The following EFCAB7 variants were observed in gnomAD, a reference collection of about 807,000 sequenced individuals.
EFCAB7 encodes the protein EF-hand calcium-binding domain-containing protein 7.
In EFCAB7, 66 loss-of-function variants were observed where a neutral mutation model predicts 77.1. The ratio of observed to expected loss-of-function variants is 0.86; its 90% confidence interval spans 0.70 to 1.05. The LOEUF (loss-of-function observed/expected upper bound fraction) is 1.05, where lower values mean the gene tolerates loss of function less well. Ranked by LOEUF, EFCAB7 falls within the 50% of genes least tolerant of loss-of-function variation. The probability of loss-of-function intolerance (pLI) is 0.00; values close to 1 mark genes in which losing one functional copy is unlikely to be tolerated. For missense variants in EFCAB7, 638 were observed against 730.5 expected (o/e 0.87, Z 1.46); for synonymous variants, 225 against 243.3 (o/e 0.92, Z 0.70).
chr1:63,582,707 A>G, the EFCAB7 span, among the ~76,000 whole-genome samples: 1 of 152,144 alleles, frequency 6.6e-6, no homozygotes, highest in African/African-American at 2.4e-5. Context: ...TTCTGGGTTT[A>G]AGCAATTCTG....
intron 2 of EFCAB7, among the ~76,000 whole-genome samples, chr1:63,531,180 T>C (rs1459100324): frequency 1.3e-5 from 2 of 152,112 alleles, no homozygotes; most frequent in African/African-American, 4.8e-5. Context: ...ACTTAGATAG[T>C]ACTTAAGTTC....
At chr1:63,568,229 T>C in intron 11 of EFCAB7, 81 bp from the exon 12 acceptor site, 1 of 1,235,370 alleles carries the variant, frequency 8.1e-7, no homozygotes, top group Non-Finnish European at 1.1e-6. Flanking sequence ...AGGTATAGCA[T>C]ATCTTCTTAT....
chr1:63,533,109 A>G (rs1353931021), intron 4 of EFCAB7, among the ~76,000 whole-genome samples: 1 of 152,150 alleles, frequency 6.6e-6, no homozygotes. Context: ...ATAAACATAG[A>G]GACTCTACTC....
intron 6 of EFCAB7, among the ~76,000 whole-genome samples, chr1:63,543,186 GAA>G (rs1022492226): frequency 1.3e-4 from 20 of 152,118 alleles, no homozygotes; most frequent in Admixed American, 1.2e-3. Context: ...CTCATTTGTT[GAA>G]AAGACTGTCC....
chr1:63,541,791 G>A (rs1019444710), intron 6 of EFCAB7, among the ~76,000 whole-genome samples: 2 of 152,038 alleles, frequency 1.3e-5, no homozygotes, highest in African/African-American at 4.8e-5. Context: ...TTGAACTCTT[G>A]ACCTCAGGTG....
chr1:63,584,836 G>C, the EFCAB7 span, among the ~76,000 whole-genome samples: 2 of 152,148 alleles, frequency 1.3e-5, no homozygotes, highest in Non-Finnish European at 2.9e-5. Context: ...TTAAGTTTGG[G>C]GGGAGTCAAA....
chr1:63,535,491 T>C (rs776990332), intron 6 of EFCAB7, among the ~76,000 whole-genome samples: 4 of 152,136 alleles, frequency 2.6e-5, no homozygotes, highest in Non-Finnish European at 5.9e-5. Flanking sequence ...GTGTTCTAGA[T>C]GTTGATTAGA....
chr1:63,533,428 C>A (rs774502571), intron 4 of EFCAB7, 26 bp from the exon 5 acceptor site: 4 of 1,570,126 alleles, frequency 2.5e-6, no homozygotes, highest in Non-Finnish European at 3.5e-6. Context: ...GAATGTTTTA[C>A]CCACTGGACT....
At chr1:63,568,249 T>C in intron 11 of EFCAB7, 61 bp from the exon 12 acceptor site, 1 of 1,373,860 alleles carries the variant, frequency 7.3e-7, no homozygotes, top group Non-Finnish European at 9.9e-7. Context: ...TATGGTAACA[T>C]ATTAATAATT....
intron 11 of EFCAB7, among the ~76,000 whole-genome samples, chr1:63,567,179 G>A (rs1471272231): frequency 2.0e-5 from 3 of 152,170 alleles, no homozygotes; most frequent in Admixed American, 2.0e-4. Context: ...TCGGCCAGGT[G>A]CAGTGGCTCA....
the EFCAB7 span, among the ~76,000 whole-genome samples, chr1:63,585,190 T>A: frequency 6.6e-6 from 1 of 151,966 alleles, no homozygotes. Flanking sequence ...CTTTAACAGC[T>A]ACAGGATATT....
chr1:63,531,903 G>C lies in EFCAB7; in HGVS notation c.271G>C (p.Asp91His), dbSNP rs772241668. The C allele has an allele frequency of 8.1e-6, 13 of 1,613,214 alleles. No individual in the cohort carries two copies. Among genetic ancestry groups the C allele is most frequent in the Non-Finnish European group, 1.1e-5 (13 of 1,179,504 alleles). The change falls in exon 3 of 14, where the codon GAT (aspartate) becomes CAT (histidine). Residue 91 changes from aspartate (D) to histidine (H), a missense_variant. Transcript: ENST00000371088. ...TPQTAKLNFD[D>H]FCIILRKEKP... ...TCAAACTGCCAAACTGAATTTTGAT[G>C]ATTTTTGTATAATTTTAAGGAAGGA...
At chr1:63,546,304 C>G (rs1208590723) in intron 7 of EFCAB7, among the ~76,000 whole-genome samples, 1 of 151,708 alleles carries the variant, frequency 6.6e-6, no homozygotes, top group Non-Finnish European at 1.5e-5. Flanking sequence ...AACTTTTCTA[C>G]AGCTAAGATA....
chr1:63,562,963 T>C (rs1247071166), intron 11 of EFCAB7, among the ~76,000 whole-genome samples: 1 of 152,180 alleles, frequency 6.6e-6, no homozygotes, highest in Non-Finnish European at 1.5e-5. Context: ...TTAACCTGTT[T>C]GGTGAGAGGT....
chr1:63,566,435 C>T (rs535445474), intron 11 of EFCAB7, among the ~76,000 whole-genome samples: 2 of 152,246 alleles, frequency 1.3e-5, no homozygotes, highest in South Asian at 4.1e-4. Flanking sequence ...AATCTTACAA[C>T]AAACTCCTAT....
chr1:63,546,717 A>G lies in EFCAB7; in HGVS notation c.946+660A>G, dbSNP rs12087290. Among the ~76,000 whole-genome samples, 966 of 152,250 alleles carry G rather than the reference A, an allele frequency of 6.3e-3. 5 individuals are homozygous for G. Among genetic ancestry groups the G allele is most frequent in the African/African-American group, 0.022 (909 of 41,542 alleles). ...TAATCTTAGCTTTTTCCATTTGTCA[A>G]TTTTTAAAATTAATATGTCAAAGAG... On this transcript the variant is annotated intron_variant, in intron 7 of 13. Coordinates refer to ENST00000371088, the MANE Select transcript of EFCAB7 (RefSeq NM_032437.4).
chr1:63,580,808 C>T, the EFCAB7 span, among the ~76,000 whole-genome samples: 4 of 152,206 alleles, frequency 2.6e-5, no homozygotes, highest in Non-Finnish European at 4.4e-5. Flanking sequence ...TAGATTTATA[C>T]CTAAATATTT....
chr1:63,551,314 C>T (rs557708644), intron 7 of EFCAB7, among the ~76,000 whole-genome samples: 3 of 152,214 alleles, frequency 2.0e-5, no homozygotes, highest in East Asian at 1.9e-4. Context: ...GAATATGGGC[C>T]GGGTGTGGTG....
chr1:63,533,726 A>G, intron 5 of EFCAB7, 77 bp downstream of exon 5: 1 of 1,098,168 alleles, frequency 9.1e-7, no homozygotes, highest in Non-Finnish European at 1.3e-6. Context: ...CTTCCATTTC[A>G]GCTTATCAGT....
Sources: allele counts gnomAD v4.1 joint callset (sites outside exome capture counted in the v4.1 genomes callset), GRCh38; gene constraint gnomAD v4.1.1; transcripts MANE v1.5; gene names NCBI Gene and HGNC (gene_info 2026-07-23, HGNC 2026-07-21).